The following TENM3 variants were observed in gnomAD, a reference collection of about 807,000 sequenced individuals.
The protein encoded by TENM3 is teneurin transmembrane protein 3, also known as teneurin-3.
In TENM3, 63 loss-of-function variants were observed where a neutral mutation model predicts 255.1. The observed-to-expected ratio is 0.25, with a 90% CI of 0.20 to 0.30. TENM3 has a LOEUF of 0.30. Ranked by LOEUF, TENM3 falls within the 10% of genes least tolerant of loss-of-function variation. The pLI is 1.00. For synonymous variants in TENM3, 1,306 were observed against 1,322.3 expected (o/e 0.99, Z 0.27); for missense variants, 2,929 against 3,461.1 (o/e 0.85, Z 3.86).
chr4:182,379,663 GGGA>G (rs1461285897), intron 3 of TENM3, among the ~76,000 whole-genome samples: 2 of 151,944 alleles, frequency 1.3e-5, no homozygotes, highest in Non-Finnish European at 2.9e-5. Flanking sequence ...CATTAAGGAA[GGGA>G]GGCTGCATGA....
At chr4:181,796,312 G>T in the TENM3 span, among the ~76,000 whole-genome samples, 3 of 152,162 alleles carry the variant, frequency 2.0e-5, no homozygotes, top group African/African-American at 7.2e-5. Flanking sequence ...TCACTAGAGG[G>T]CACATTCATG....
chr4:181,638,300 C>T, the TENM3 span, among the ~76,000 whole-genome samples: 1 of 152,176 alleles, frequency 6.6e-6, no homozygotes. Context: ...TAGGTTTCCT[C>T]CAGCGTAAGC....
chr4:182,653,735 G>C, intron 5 of TENM3, 36 bp from the exon 6 acceptor site: 1 of 1,567,974 alleles, frequency 6.4e-7, no homozygotes, highest in Non-Finnish European at 8.7e-7. Context: ...GCTGAAGGCA[G>C]CAGATCTTTA....
chr4:182,124,038 T>C, the TENM3 span, among the ~76,000 whole-genome samples: 1 of 152,038 alleles, frequency 6.6e-6, no homozygotes, highest in Non-Finnish European at 1.5e-5. Context: ...CATTTATTTG[T>C]TTATTTATTT....
the TENM3 span, among the ~76,000 whole-genome samples, chr4:181,540,445 T>A: frequency 1.3e-5 from 2 of 152,144 alleles, no homozygotes; most frequent in Non-Finnish European, 2.9e-5. Flanking sequence ...CGGCTGTGAA[T>A]AGTGACTTTC....
At chr4:182,584,493 T>G (rs894739647) in intron 3 of TENM3, among the ~76,000 whole-genome samples, 1 of 152,186 alleles carries the variant, frequency 6.6e-6, no homozygotes, top group Non-Finnish European at 1.5e-5. Context: ...TGAAGCAAAT[T>G]TTAGTCAATA....
chr4:181,461,783 C>T, the TENM3 span, among the ~76,000 whole-genome samples: 2 of 152,050 alleles, frequency 1.3e-5, no homozygotes, highest in African/African-American at 4.8e-5. Context: ...AGTATCTGGT[C>T]TATATTTATA....
chr4:181,697,990 G>A, the TENM3 span, among the ~76,000 whole-genome samples: 5 of 151,864 alleles, frequency 3.3e-5, no homozygotes, highest in Admixed American at 2.0e-4. Flanking sequence ...CAAGGCGGGC[G>A]GATCATGAGG....
intron 3 of TENM3, among the ~76,000 whole-genome samples, chr4:182,559,507 G>C (rs1232121648): frequency 6.6e-6 from 1 of 152,000 alleles, no homozygotes; most frequent in African/African-American, 2.4e-5. Context: ...ATATTTACCT[G>C]CCTTTCTAGG....
At chr4:182,207,371 A>T (rs1754654984) in intron 1 of TENM3, among the ~76,000 whole-genome samples, 1 of 152,210 alleles carries the variant, frequency 6.6e-6, no homozygotes, top group South Asian at 2.1e-4. Context: ...CTAAGCTGGG[A>T]GCTTTTTCTA....
the TENM3 span, among the ~76,000 whole-genome samples, chr4:182,093,222 A>G: frequency 6.6e-6 from 1 of 152,172 alleles, no homozygotes; most frequent in Admixed American, 6.5e-5. Context: ...AGAAAGGAGG[A>G]TATTTGGGAG....
At chr4:182,576,508 A>G (rs1246430582) in intron 3 of TENM3, among the ~76,000 whole-genome samples, 2 of 152,274 alleles carry the variant, frequency 1.3e-5, no homozygotes. Context: ...TAGGGTTCAT[A>G]TGATGAGATC....
the TENM3 span, among the ~76,000 whole-genome samples, chr4:181,778,559 A>G: frequency 3.3e-5 from 5 of 152,096 alleles, no homozygotes; most frequent in Admixed American, 6.6e-5. Context: ...TGTCTTTATG[A>G]TGGGATGGCC....
chr4:181,719,034 G>A, the TENM3 span, among the ~76,000 whole-genome samples: 2 of 151,234 alleles, frequency 1.3e-5, no homozygotes, highest in Non-Finnish European at 3.0e-5. Flanking sequence ...GTGAAACCCC[G>A]TCTCTACTAA....
the TENM3 span, among the ~76,000 whole-genome samples, chr4:181,616,055 C>A: frequency 6.6e-6 from 1 of 151,788 alleles, no homozygotes; most frequent in Non-Finnish European, 1.5e-5. Flanking sequence ...GTTTCCCCCC[C>A]ACACTTTGGC....
chr4:182,059,745 CA>C, the TENM3 span, among the ~76,000 whole-genome samples: 1,759 of 43,092 alleles, frequency 0.041, 10 homozygotes, highest in African/African-American at 0.16. Flanking sequence ...TCTGTCTCTA[CA>C]AAAAAAAAAA....
chr4:182,348,373 T>C (rs1307535364), intron 3 of TENM3, among the ~76,000 whole-genome samples: 1 of 152,202 alleles, frequency 6.6e-6, no homozygotes, highest in Non-Finnish European at 1.5e-5. Context: ...TAACCTTAAA[T>C]ACGTATGATT....
At chr4:181,608,385 A>T in the TENM3 span, among the ~76,000 whole-genome samples, 1 of 152,150 alleles carries the variant, frequency 6.6e-6, no homozygotes, top group African/African-American at 2.4e-5. Flanking sequence ...CGTGCAGTGT[A>T]TTGGAGGGGG....
At position 182,736,854 on chromosome 4, in the gene TENM3, C is replaced by T. The variant is rs1479540071; in HGVS notation, c.3014C>T (p.Ser1005Phe). ...ATTCCAGGAACAGATTTGAAACTCT[C>T]CTACTTGAGTTCCAGAGCTGCAGGG... ...TTIPGTDLKLSYLSSRAAGYK... is the reference protein window; with the variant it reads ...TTIPGTDLKLFYLSSRAAGYK... Residue 1005 changes from serine to phenylalanine, a missense_variant, in exon 17 of 28, where the codon TCC becomes TTC. Physicochemically the swap from Ser to Phe is radical, Grantham distance 155 (BLOSUM62 -2). Transcript: ENST00000511685. The T allele has an allele frequency of 1.2e-6, 2 of 1,613,676 alleles. No homozygotes were observed. The highest frequency in any genetic ancestry group is 1.7e-6 in the Non-Finnish European group (2 of 1,179,726).
Sources: allele counts gnomAD v4.1 joint callset (sites outside exome capture counted in the v4.1 genomes callset), GRCh38; gene constraint gnomAD v4.1.1; transcripts MANE v1.5; gene names NCBI Gene and HGNC (gene_info 2026-07-23, HGNC 2026-07-21).